AP1M1: variants seen among roughly 807,000 people sequenced by gnomAD.
AP1M1 encodes the protein adaptor related protein complex 1 subunit mu 1.
AP1M1 carries 18 observed loss-of-function variants against 57.1 expected under a neutral mutation model. The ratio of observed to expected loss-of-function variants is 0.32; its 90% confidence interval spans 0.22 to 0.47. The LOEUF is 0.47. AP1M1 is among the 20% of genes least tolerant of loss of function. The pLI is 1.00. For missense variants in AP1M1, 362 were observed against 593.5 expected (o/e 0.61, Z 4.05); for synonymous variants, 241 against 237.9 (o/e 1.01, Z -0.12).
In AP1M1 at chr19:16,235,515, T is replaced by G. The variant is rs550974538; in HGVS notation, c.*1080T>G. 1.3e-5 allele frequency: 2 copies of G among 152,332 alleles called. No homozygotes were observed. The highest frequency in any genetic ancestry group is 4.1e-4 in the South Asian group (2 of 4,830). 9.4% of individuals were successfully genotyped at this position (152,332 alleles called of 1,614,324 possible). ...CTGCGGGAAGAGGCAGCTGCAGTGC[T>G]GGACCATGGGCCACCACTCCTGGGC... On this transcript the variant is annotated 3_prime_UTR_variant, in exon 12 of 12. Transcript: ENST00000291439.
At chr19:16,223,272 G>T (rs62116325) in intron 5 of AP1M1, among the ~76,000 whole-genome samples, 4,142 of 152,250 alleles carry the variant, frequency 0.027, 77 homozygotes, top group Non-Finnish European at 0.044. Flanking sequence ...TCTGGGACCC[G>T]AGTGGTTAGT....
In AP1M1 at chr19:16,242,446, A is replaced by T. The variant is rs992143088; in HGVS notation, c.*8011A>T. 6 of 152,258 alleles carry T rather than the reference A, an allele frequency of 3.9e-5. No individual in the cohort carries two copies. Among genetic ancestry groups the T allele is most frequent in the Non-Finnish European group, 7.3e-5 (5 of 68,048 alleles). 9.4% of individuals were successfully genotyped at this position (152,258 alleles called of 1,614,324 possible). A position where few individuals can be genotyped will look rare whatever the true frequency, so the allele number is the denominator to read the frequency against. On this transcript the variant is annotated 3_prime_UTR_variant, in exon 12 of 12. Transcript: ENST00000291439. ...CCTAGCATCTCTGGCTGCAGAAAGC[A>T]TAAAATAAGATTGTAGAAATAAATC...
chr19:16,237,058 A>G lies in AP1M1; in HGVS notation c.*2623A>G, dbSNP rs1408591513. 2 of 152,280 alleles carry G rather than the reference A, an allele frequency of 1.3e-5. No homozygotes were observed. 9.4% of individuals were successfully genotyped at this position (152,280 alleles called of 1,614,324 possible). A position where few individuals can be genotyped will look rare whatever the true frequency, so the allele number is the denominator to read the frequency against. Reference sequence around the variant, plus strand: ...AAGGCAAATAATTTGCATGCGGGTTATAACGTCTACAAATCAGAAAAAGAG... The same window carrying G: ...AAGGCAAATAATTTGCATGCGGGTTGTAACGTCTACAAATCAGAAAAAGAG... On this transcript the variant is annotated 3_prime_UTR_variant, in exon 12 of 12. Transcript: ENST00000291439.
At chr19:16,213,849 C>T (rs943779875) in intron 5 of AP1M1, among the ~76,000 whole-genome samples, 1 of 152,146 alleles carries the variant, frequency 6.6e-6, no homozygotes, top group African/African-American at 2.4e-5. Context: ...TTATCCAGCT[C>T]TTGCCACTCT....
rs12977651 is a variant in AP1M1 at position 16,236,438 on chromosome 19, G to T, written c.*2003G>T. 1 of 152,200 alleles carries T rather than the reference G, an allele frequency of 6.6e-6. No individual in the cohort carries two copies. Among genetic ancestry groups the T allele is most frequent in the Admixed American group, 6.5e-5 (1 of 15,278 alleles). The allele number at this position is 152,200 out of a possible 1,614,324, so 9.4% of individuals were successfully genotyped here. A position where few individuals can be genotyped will look rare whatever the true frequency, so the allele number is the denominator to read the frequency against. On this transcript the variant is annotated 3_prime_UTR_variant, in exon 12 of 12. Coordinates refer to ENST00000291439, the MANE Select transcript of AP1M1 (RefSeq NM_032493.4). ...GAAGGAAGTAGACGCGGAAGACACCGTGGGGGCTCACACCGGAGTTGCTCT... is the reference window on the plus strand; with the variant it reads ...GAAGGAAGTAGACGCGGAAGACACCTTGGGGGCTCACACCGGAGTTGCTCT...
intron 5 of AP1M1, among the ~76,000 whole-genome samples, chr19:16,221,954 G>A (rs2091546203): frequency 6.6e-6 from 1 of 152,080 alleles, no homozygotes; most frequent in Admixed American, 6.6e-5. Flanking sequence ...CCAAAGTGCT[G>A]GGATTACAGG....
At chr19:16,219,331 A>G (rs752582959) in intron 5 of AP1M1, among the ~76,000 whole-genome samples, 1 of 151,482 alleles carries the variant, frequency 6.6e-6, no homozygotes, top group Non-Finnish European at 1.5e-5. Flanking sequence ...GAATATTTGC[A>G]TATGCATCAT....
At chr19:16,198,237 C>T (rs2091432518) in intron 1 of AP1M1, 169 bp downstream of exon 1, 1 of 575,128 alleles carries the variant, frequency 1.7e-6, no homozygotes, top group East Asian at 3.7e-5. Flanking sequence ...GGTAACCGGG[C>T]GGGGGTCTTA....
chr19:16,209,272 G>A lies in AP1M1; in HGVS notation c.546+95G>A, dbSNP rs1053093579. 19 of 1,385,320 alleles carry A rather than the reference G, an allele frequency of 1.4e-5. No individual in the cohort carries two copies. In the Admixed American group the frequency reaches 2.2e-4, roughly 16 times the overall value. The allele number at this position is 1,385,320 out of a possible 1,614,324, so 85.8% of individuals were successfully genotyped here. A position where few individuals can be genotyped will look rare whatever the true frequency, so the allele number is the denominator to read the frequency against. On this transcript the variant is annotated intron_variant, in intron 5 of 11. Transcript: ENST00000291439. ...TAAAACTGGCAAAGCCCCGAGAGCCGTTCTGTGTGGTAACAGATAGCAGGA... is the reference window on the plus strand; with the variant it reads ...TAAAACTGGCAAAGCCCCGAGAGCCATTCTGTGTGGTAACAGATAGCAGGA...
At chr19:16,204,095 T>G (rs142692481) in intron 2 of AP1M1, among the ~76,000 whole-genome samples, 64 of 152,106 alleles carry the variant, frequency 4.2e-4, no homozygotes, top group Admixed American at 1.1e-3. Context: ...TTTAGATGTG[T>G]GTCTTCTGGA....
intron 5 of AP1M1, among the ~76,000 whole-genome samples, chr19:16,209,408 G>A (rs1350237220): frequency 6.6e-6 from 1 of 151,996 alleles, no homozygotes; most frequent in African/African-American, 2.4e-5. Context: ...TCGGCTCACT[G>A]CAACCTCCGC....
rs372860844 is a variant in AP1M1, at chr19:16,227,699, G to A, written c.816+9G>A. The A allele has an allele frequency of 1.6e-5, 25 of 1,611,770 alleles. No individual in the cohort carries two copies. In the Admixed American group the frequency reaches 2.2e-4, roughly 14 times the overall value. ...ACCGTCTCAACACCCACGTGAGTGC[G>A]CCACCCTGGGGCTGGGCTGTCGGCA... On this transcript the variant is annotated intron_variant, in intron 7 of 11. Transcript: ENST00000291439. The surrounding 1 kb of genome is among the most constrained non-coding windows in gnomAD (Gnocchi z 6.2).
Position 16,228,191 on chromosome 19 carries a change from A to G in AP1M1, c.871A>G (p.Ile291Val), listed in dbSNP as rs1181399861. The change falls in exon 8 of 12, where the codon ATC becomes GTC. Residue 291 changes from isoleucine to valine, a missense_variant. Physicochemically the swap from Ile to Val is conservative, Grantham distance 29. Transcript: ENST00000291439. The surrounding 1 kb of genome is among the most constrained non-coding windows in gnomAD (Gnocchi z 5.0). ...SVIEKHSHSR[I>V]EYMIKAKSQF... is the part of the protein sequence containing the mutation. ...GATCGAGAAGCACTCCCACAGCCGC[A>G]TCGAGTACATGATCAAGGTGCGTGG... 1.2e-6 allele frequency: 2 copies of G among 1,613,816 alleles called. No homozygotes were observed. Among genetic ancestry groups the G allele is most frequent in the Non-Finnish European group, 1.7e-6 (2 of 1,180,012 alleles).
chr19:16,199,786 G>A (rs932691275), intron 1 of AP1M1, among the ~76,000 whole-genome samples: 27 of 152,196 alleles, frequency 1.8e-4, no homozygotes, highest in Admixed American at 1.7e-3. Context: ...GGTGGAATGA[G>A]TCTTGCTTCC....
At chr19:16,231,089 C>T (rs1339575238) in intron 9 of AP1M1, among the ~76,000 whole-genome samples, 6 of 151,866 alleles carry the variant, frequency 4.0e-5, no homozygotes, top group Admixed American at 3.3e-4. Flanking sequence ...GAGATCAAGA[C>T]CATCCTGGCT....
At chr19:16,205,535 G>T (rs1487432874) in intron 2 of AP1M1, among the ~76,000 whole-genome samples, 1 of 152,116 alleles carries the variant, frequency 6.6e-6, no homozygotes, top group African/African-American at 2.4e-5. Flanking sequence ...AGAGGATACA[G>T]CCCCCACCCT....
chr19:16,227,535 C>T lies in AP1M1; in HGVS notation c.674-13C>T. The T allele has an allele frequency of 3.7e-6, 6 of 1,613,392 alleles. No individual in the cohort carries two copies. The highest frequency in any genetic ancestry group is 5.1e-6 in the Non-Finnish European group (6 of 1,179,492). ...AGGGCCCAGATCTGTCCTACCCTCA[C>T]CCCTGACCCCAGGCGGCAAAAGCAA... On this transcript the variant is annotated splice_polypyrimidine_tract_variant and intron_variant, in intron 6 of 11. Transcript: ENST00000291439. This position sits in a 1 kb window ranked among gnomAD's most constrained non-coding sequence, Gnocchi z 6.2.
intron 11 of AP1M1, 32 bp downstream of exon 11, chr19:16,234,306 G>A (rs2091613562): frequency 1.2e-6 from 2 of 1,612,888 alleles, no homozygotes; most frequent in African/African-American, 1.3e-5. Context: ...GGGTGGGGTT[G>A]TACTGAGGGG....
chr19:16,228,358 A>G lies in AP1M1; in HGVS notation c.888+150A>G, dbSNP rs1599465544. 9 of 828,694 alleles carry G rather than the reference A, an allele frequency of 1.1e-5. No individual in the cohort carries two copies. The East Asian group carries it at 2.1e-4, about 20-fold the overall frequency. The allele number at this position is 828,694 out of a possible 1,614,324, so 51.3% of individuals were successfully genotyped here. On this transcript the variant is annotated intron_variant, in intron 8 of 11. Coordinates refer to ENST00000291439, the MANE Select transcript of AP1M1 (RefSeq NM_032493.4). This position sits in a 1 kb window ranked among gnomAD's most constrained non-coding sequence, Gnocchi z 5.0. ...AGGAGTGACCTGACACTGAGGGGAC[A>G]CCGCCTGGGGCCTGCTCCTAGATGG...
Sources: allele counts gnomAD v4.1 joint callset (sites outside exome capture counted in the v4.1 genomes callset), GRCh38; gene constraint gnomAD v4.1.1; non-coding constraint Gnocchi (gnomAD v3.1); transcripts MANE v1.5; gene names NCBI Gene and HGNC (gene_info 2026-07-23, HGNC 2026-07-21).